Variants in PLCG2 observed in about 807,000 individuals in gnomAD.
PLCG2 encodes phospholipase C gamma 2.
Under a neutral mutation model 175.6 loss-of-function variants are expected in PLCG2, and 69 were observed. The ratio of observed to expected loss-of-function variants is 0.39; its 90% CI spans 0.32 to 0.48. The LOEUF (loss-of-function observed/expected upper bound fraction) is 0.48, where lower values mean the gene tolerates loss of function less well. PLCG2 is among the 20% of genes least tolerant of loss of function. The probability of loss-of-function intolerance (pLI) is 0.91; values close to 1 mark genes in which losing one functional copy is unlikely to be tolerated. For synonymous variants in PLCG2, 827 were observed against 624.0 expected, an observed-to-expected ratio of 1.33 and a Z score of -4.85; for missense variants, 1,798 against 1,650.9, an observed-to-expected ratio of 1.09 and a Z score of -1.54.
At chr16:81,893,277 C>T (rs555262707) in intron 11 of PLCG2, among the ~76,000 whole-genome samples, 3 of 152,348 alleles carry the variant, frequency 2.0e-5, no homozygotes, top group South Asian at 4.1e-4. Flanking sequence ...ATTGCACCAA[C>T]AGTTGTTGAA....
intron 2 of PLCG2, chr16:81,852,168 G>A (rs931749798): frequency 6.6e-6 from 1 of 152,218 alleles, no homozygotes; most frequent in South Asian, 2.1e-4. Flanking sequence ...TGGTAGACAA[G>A]GTGGTCCCTG....
chr16:81,929,016 G>A (rs12448088), intron 24 of PLCG2, among the ~76,000 whole-genome samples: 1 of 151,916 alleles, frequency 6.6e-6, no homozygotes, highest in South Asian at 2.1e-4. Flanking sequence ...CTGCCTCTCT[G>A]TCGCTGTGAG....
rs1178533195 is a variant in PLCG2, at chr16:81,786,102, C to G, written c.113C>G (p.Pro38Arg). 6.2e-7 allele frequency: 1 copy of G among 1,614,198 alleles called. No homozygotes were observed. The highest frequency in any genetic ancestry group is 1.7e-5 in the Admixed American group (1 of 60,014). ...MTVFSFRKST[P>R]ERRTVQVIME... ...GTGTTCAGCTTCCGCAAGTCCACCC[C>G]CGAGCGGAGAACCGTCCAGGTGATC... The change falls in exon 2 of 33, where the codon CCC becomes CGC. Residue 38 changes from proline (P) to arginine (R), a missense_variant. Pro to Arg is a moderately radical substitution (Grantham distance 103, BLOSUM62 -2). Transcript: ENST00000564138.
chr16:81,842,012 G>T lies in PLCG2; in HGVS notation c.194-12432G>T, dbSNP rs145638746. ...CTTGGTGGAGCCCTCCTGGGGCCAC[G>T]TGATTTTTATTTCATGTTATTTCAT... On this transcript the variant is annotated intron_variant, in intron 2 of 32. Coordinates refer to ENST00000564138, the MANE Select transcript of PLCG2 (RefSeq NM_002661.5). Among the ~76,000 whole-genome samples the T allele has an allele frequency of 2.8e-3, 428 of 152,304 alleles. 1 individual carries two copies. Among genetic ancestry groups the T allele is most frequent in the African/African-American group, 9.9e-3 (413 of 41,568 alleles).
At chr16:81,773,911 G>A (rs143563479) in intron 2 of PLCG2, among the ~76,000 whole-genome samples, 1 of 152,164 alleles carries the variant, frequency 6.6e-6, no homozygotes, top group East Asian at 1.9e-4. Context: ...TGCCCATCAT[G>A]CAGGACTTTG....
At chr16:81,742,386 G>A (rs568970251) in intron 1 of PLCG2, among the ~76,000 whole-genome samples, 1 of 152,274 alleles carries the variant, frequency 6.6e-6, no homozygotes, top group African/African-American at 2.4e-5. Flanking sequence ...CTGCTTCACA[G>A]GTGATGACCC....
intron 21 of PLCG2, 33 bp from the exon 22 acceptor site, chr16:81,923,447 CCCTGG>C: frequency 2.2e-6 from 3 of 1,361,954 alleles, no homozygotes; most frequent in Non-Finnish European, 3.1e-6. Context: ...CCCCTCCTGT[CCCTGG>C]CCTGACCTTT....
At chr16:81,945,921 G>A (rs1411637555) in intron 30 of PLCG2, among the ~76,000 whole-genome samples, 1 of 152,170 alleles carries the variant, frequency 6.6e-6, no homozygotes, top group Non-Finnish European at 1.5e-5. Flanking sequence ...TCTTCTGAGT[G>A]AATCATTTTT....
intron 13 of PLCG2, chr16:81,898,058 C>T (rs926091831): frequency 9.0e-6 from 3 of 334,086 alleles, no homozygotes; most frequent in South Asian, 2.2e-5. Context: ...CTGGTATTAA[C>T]AGACACTGTG....
upstream of PLCG2, among the ~76,000 whole-genome samples, chr16:81,778,709 G>A (rs1289511041): frequency 3.9e-5 from 6 of 152,202 alleles, no homozygotes; most frequent in African/African-American, 1.4e-4. Context: ...TAAGGTAGCA[G>A]TAAGGGTTGG....
upstream of PLCG2, among the ~76,000 whole-genome samples, chr16:81,778,064 CCAAAAACACA>C (rs1910522365): frequency 2.0e-5 from 1 of 50,294 alleles, no homozygotes; most frequent in African/African-American, 1.0e-4. Context: ...ACAAAAAAAA[CCAAAAACACA>C]CACACACAAA....
chr16:81,789,860 C>T (rs59598748), intron 2 of PLCG2, among the ~76,000 whole-genome samples: 1,542 of 148,898 alleles, frequency 0.01, 27 homozygotes, highest in African/African-American at 0.037. Context: ...CCTCCATTGC[C>T]TCCCCTCTGT....
intron 7 of PLCG2, among the ~76,000 whole-genome samples, chr16:81,879,756 G>C (rs1042340988): frequency 6.6e-6 from 1 of 152,164 alleles, no homozygotes; most frequent in Admixed American, 6.5e-5. Flanking sequence ...GGGTGTGCAG[G>C]GTGCCTGTGT....
At chr16:81,939,830 A>G in intron 29 of PLCG2, 62 bp from the exon 30 acceptor site, 1 of 1,116,608 alleles carries the variant, frequency 9.0e-7, no homozygotes, top group South Asian at 1.3e-5. Flanking sequence ...GGATGCGGAG[A>G]TTGTCTTACC....
chr16:81,865,308 G>A (rs1395797895), intron 5 of PLCG2, among the ~76,000 whole-genome samples: 1 of 152,154 alleles, frequency 6.6e-6, no homozygotes, highest in Non-Finnish European at 1.5e-5. Context: ...GCAGCGATGG[G>A]GGCTCAGCCT....
chr16:81,823,262 T>C (rs1904884043), intron 2 of PLCG2, among the ~76,000 whole-genome samples: 1 of 152,230 alleles, frequency 6.6e-6, no homozygotes, highest in South Asian at 2.1e-4. Context: ...ATCTCTGCAG[T>C]CAGGCCTCTG....
At chr16:81,761,823 C>G (rs933575968) in intron 2 of PLCG2, among the ~76,000 whole-genome samples, 1 of 150,036 alleles carries the variant, frequency 6.7e-6, no homozygotes, top group African/African-American at 2.5e-5. Context: ...TGATTTCACC[C>G]TGCACATTTT....
chr16:81,858,649 C>T (rs942992734), intron 4 of PLCG2, among the ~76,000 whole-genome samples: 4 of 152,068 alleles, frequency 2.6e-5, no homozygotes, highest in Admixed American at 1.3e-4. Context: ...GGGCTTCCTT[C>T]TTAAAGGATT....
At chr16:81,824,004 T>TTTCCTTTCCTTTCCTTTCC in intron 2 of PLCG2, among the ~76,000 whole-genome samples, 1 of 85,826 alleles carries the variant, frequency 1.2e-5, no homozygotes, top group African/African-American at 4.7e-5. Flanking sequence ...TTCTTTTTCT[T>TTTCCTTTCCTTTCCTTTCC]TTTCCTTTCC....
Sources: gnomAD v4.1 joint callset for allele counts (sites outside exome capture counted in the v4.1 genomes callset) on GRCh38, gnomAD v4.1.1 for gene constraint, MANE v1.5 for transcripts, NCBI Gene and HGNC (gene_info 2026-07-23, HGNC 2026-07-21) for gene names.